FSHR: variants seen among roughly 807,000 people sequenced by gnomAD.
FSHR encodes follicle stimulating hormone receptor.
In FSHR, 46 loss-of-function variants were observed where a neutral mutation model predicts 52.1. The observed-to-expected ratio is 0.88, with a 90% CI of 0.70 to 1.13. The LOEUF is 1.13. Ranked by LOEUF, FSHR falls within the 50% of genes most tolerant of loss-of-function variation. FSHR has a pLI of 0.00. For synonymous variants in FSHR, 399 were observed against 309.6 expected, an observed-to-expected ratio of 1.29 and a Z score of -3.03; for missense variants, 964 against 834.6, an observed-to-expected ratio of 1.16 and a Z score of -1.91.
chr2:49,085,763 A>C (rs1572723603), intron 1 of FSHR, among the ~76,000 whole-genome samples: 1 of 152,176 alleles, frequency 6.6e-6, no homozygotes, highest in East Asian at 1.9e-4. Flanking sequence ...GCACATATAC[A>C]CCATGGAATA....
At chr2:48,973,980 C>G (rs1298386330) in intron 8 of FSHR, among the ~76,000 whole-genome samples, 1 of 152,092 alleles carries the variant, frequency 6.6e-6, no homozygotes, top group Non-Finnish European at 1.5e-5. Flanking sequence ...GATTTGGGCT[C>G]ATGAAATCTA....
At chr2:49,061,302 G>A (rs1398678734) in intron 2 of FSHR, among the ~76,000 whole-genome samples, 1 of 152,026 alleles carries the variant, frequency 6.6e-6, no homozygotes, top group African/African-American at 2.4e-5. Flanking sequence ...CTGCTGATAT[G>A]AAGCACACCT....
chr2:49,059,214 AT>A (rs1387017220), intron 2 of FSHR, among the ~76,000 whole-genome samples: 13 of 152,090 alleles, frequency 8.5e-5, no homozygotes, highest in African/African-American at 1.4e-4. Context: ...AATTAAAAAA[AT>A]AATAATAAAA....
At chr2:49,068,595 C>G (rs917248059) in intron 1 of FSHR, among the ~76,000 whole-genome samples, 1 of 152,054 alleles carries the variant, frequency 6.6e-6, no homozygotes, top group Non-Finnish European at 1.5e-5. Context: ...CGTATGTTGC[C>G]TTCTGCAGCC....
chr2:49,008,428 G>T (rs947840572), intron 4 of FSHR, among the ~76,000 whole-genome samples: 1 of 151,212 alleles, frequency 6.6e-6, no homozygotes, highest in Non-Finnish European at 1.5e-5. Flanking sequence ...GTCTATCATT[G>T]TTGGACATTT....
At chr2:49,000,749 G>A (rs1666842803) in intron 4 of FSHR, among the ~76,000 whole-genome samples, 1 of 152,124 alleles carries the variant, frequency 6.6e-6, no homozygotes, top group Non-Finnish European at 1.5e-5. Context: ...TTGAAAGAGG[G>A]ACTTTAGAAA....
intron 1 of FSHR, among the ~76,000 whole-genome samples, chr2:49,076,977 C>T (rs1669973675): frequency 6.6e-6 from 1 of 152,082 alleles, no homozygotes; most frequent in African/African-American, 2.4e-5. Context: ...CAGCCTCCCT[C>T]CCATGTGTCT....
intron 4 of FSHR, among the ~76,000 whole-genome samples, chr2:48,995,125 T>C (rs749684393): frequency 3.2e-4 from 48 of 152,154 alleles, no homozygotes; most frequent in Non-Finnish European, 5.7e-4. Flanking sequence ...TTTTCTTGAG[T>C]TAACAGGGTC....
chr2:48,972,117 A>G (rs1226215828), intron 8 of FSHR, among the ~76,000 whole-genome samples: 1 of 152,118 alleles, frequency 6.6e-6, no homozygotes, highest in Non-Finnish European at 1.5e-5. Flanking sequence ...CAGACTTTGA[A>G]TAATAAAAAT....
At chr2:49,060,710 C>T (rs1669254435) in intron 2 of FSHR, among the ~76,000 whole-genome samples, 1 of 152,168 alleles carries the variant, frequency 6.6e-6, no homozygotes, top group Non-Finnish European at 1.5e-5. Context: ...ACCCTATATG[C>T]CAAATACCTC....
intron 2 of FSHR, among the ~76,000 whole-genome samples, chr2:49,061,801 G>A (rs1388117192): frequency 7.6e-6 from 1 of 132,366 alleles, no homozygotes; most frequent in Non-Finnish European, 1.6e-5. Context: ...TAACTATATA[G>A]TTATATATAG....
At chr2:49,146,353 G>A (rs1369838626) in intron 1 of FSHR, among the ~76,000 whole-genome samples, 1 of 152,000 alleles carries the variant, frequency 6.6e-6, no homozygotes, top group East Asian at 1.9e-4. Context: ...CATATAAGGG[G>A]CCTTTCTTTC....
chr2:49,112,590 C>G (rs192691782), intron 1 of FSHR, among the ~76,000 whole-genome samples: 1 of 152,104 alleles, frequency 6.6e-6, no homozygotes, highest in Non-Finnish European at 1.5e-5. Context: ...AAACCCATGT[C>G]TTTGAAGTCT....
chr2:49,139,018 GA>G (rs891112866), intron 1 of FSHR, among the ~76,000 whole-genome samples: 1 of 152,082 alleles, frequency 6.6e-6, no homozygotes, highest in Non-Finnish European at 1.5e-5. Flanking sequence ...GTCAATAACG[GA>G]CAAACAATAC....
chr2:49,027,211 C>T (rs1459290128), intron 2 of FSHR, among the ~76,000 whole-genome samples: 1 of 152,196 alleles, frequency 6.6e-6, no homozygotes, highest in Non-Finnish European at 1.5e-5. Flanking sequence ...GCAAACCTCC[C>T]TTTATTTCCC....
chr2:48,989,273 C>CT (rs70946840), intron 5 of FSHR, among the ~76,000 whole-genome samples: 2,697 of 120,552 alleles, frequency 0.022, 47 homozygotes, highest in Middle Eastern at 0.066. Context: ...CATTCAGTGT[C>CT]TTTTTTTTTT....
At chr2:48,991,725 C>T (rs562860254) in intron 4 of FSHR, among the ~76,000 whole-genome samples, 5 of 152,158 alleles carry the variant, frequency 3.3e-5, no homozygotes, top group African/African-American at 7.2e-5. Flanking sequence ...GAGGCACATA[C>T]GAATTATTGG....
At position 49,100,749 on chromosome 2, in the gene FSHR, A is replaced by G. The variant is rs76129608; in HGVS notation, c.153-32459T>C. ...ATGTAAGAAGAATGTAGCACTATCA[A>G]TCTAAATCATTATTATTCTAGGTTT... On this transcript the variant is annotated intron_variant, in intron 1 of 9. Transcript: ENST00000406846. 3.8e-3 allele frequency among the ~76,000 whole-genome samples: 579 copies of G among 152,336 alleles called. 8 individuals are homozygous for G. Among genetic ancestry groups the G allele is most frequent in the East Asian group, 0.034 (174 of 5,174 alleles).
chr2:48,980,646 CA>C (rs1475720700), intron 8 of FSHR, among the ~76,000 whole-genome samples: 1 of 152,160 alleles, frequency 6.6e-6, no homozygotes, highest in Non-Finnish European at 1.5e-5. Context: ...CAACCAGTTT[CA>C]GGGGGCCTCA....
Sources: allele counts gnomAD v4.1 joint callset (sites outside exome capture counted in the v4.1 genomes callset), GRCh38; gene constraint gnomAD v4.1.1; transcripts MANE v1.5; gene names NCBI Gene and HGNC (gene_info 2026-07-23, HGNC 2026-07-21).